The following TNRC6A variants were observed in gnomAD, a reference collection of about 807,000 sequenced individuals.
The protein encoded by TNRC6A is trinucleotide repeat containing adaptor 6A.
A neutral mutation model predicts 221.2 loss-of-function variants in TNRC6A; 44 were observed. That is an observed-to-expected ratio of 0.20 (90% CI 0.16 to 0.26). TNRC6A has a LOEUF of 0.26. Ranked by LOEUF, TNRC6A falls within the 10% of genes least tolerant of loss-of-function variation. The probability of loss-of-function intolerance (pLI) is 1.00; values close to 1 mark genes in which losing one functional copy is unlikely to be tolerated. For synonymous variants in TNRC6A, 847 were observed against 838.5 expected (o/e 1.01, Z -0.18); for missense variants, 2,199 against 2,404.4 (o/e 0.91, Z 1.79).
At chr16:24,643,963 C>T (rs572033002) in intron 2 of TNRC6A, among the ~76,000 whole-genome samples, 1 of 152,062 alleles carries the variant, frequency 6.6e-6, no homozygotes, top group Non-Finnish European at 1.5e-5. Context: ...ACTTAGACAG[C>T]CCTCTTGTCA....
chr16:24,636,094 T>G (rs550926009), intron 1 of TNRC6A, among the ~76,000 whole-genome samples: 1 of 152,202 alleles, frequency 6.6e-6, no homozygotes, highest in Non-Finnish European at 1.5e-5. Context: ...CAGATTGCAG[T>G]GGTTTGCAGG....
intron 5 of TNRC6A, among the ~76,000 whole-genome samples, chr16:24,783,411 G>GA (rs2151799138): frequency 6.6e-6 from 1 of 152,258 alleles, no homozygotes; most frequent in East Asian, 1.9e-4. Flanking sequence ...TTACAGGCAT[G>GA]AGCCACTGCG....
At position 24,822,984 on chromosome 16, in the gene TNRC6A, G is replaced by A. The variant is rs763092021; in HGVS notation, c.5484G>A (p.Glu1828=). ...TGGTCCGCTACAGTTCAAAAGAAGA[G>A]GTAGTGAAGGCACAAAAGTCTCTGC... The part of the protein sequence containing the change: ...NALVRYSSKE[E]VVKAQKSLHM... Residue 1828 remains glutamate, a synonymous_variant, in exon 24 of 25, where the codon GAG becomes GAA. Transcript: ENST00000395799. The A allele has an allele frequency of 4.3e-6, 7 of 1,614,132 alleles. No homozygotes were observed. In the African/African-American group the frequency reaches 5.3e-5, roughly 12 times the overall value.
At chr16:24,768,080 C>A (rs1354608977) in intron 4 of TNRC6A, among the ~76,000 whole-genome samples, 1 of 152,140 alleles carries the variant, frequency 6.6e-6, no homozygotes, top group Non-Finnish European at 1.5e-5. Flanking sequence ...GAGAGCCATT[C>A]TGTACTTTTA....
At position 24,804,740 on chromosome 16, in the gene TNRC6A, G is replaced by C; in HGVS notation, c.3873G>C (p.Gln1291His). ...TAGCAGATGAATCCCAAAACATGCA[G>C]TTTATGTCCAGTCAAAGCATGAAGC... ...GIVADESQNM[Q>H]FMSSQSMKLP... Residue 1291 changes from glutamine (Q) to histidine (H), a missense_variant, in exon 13 of 25, where the codon CAG becomes CAC. Transcript: ENST00000395799. 1 of 1,606,530 alleles carries C rather than the reference G, an allele frequency of 6.2e-7. No homozygotes were observed. Among genetic ancestry groups the C allele is most frequent in the Non-Finnish European group, 8.5e-7 (1 of 1,178,406 alleles).
chr16:24,800,131 C>T (rs1451991964), intron 11 of TNRC6A, among the ~76,000 whole-genome samples: 1 of 152,166 alleles, frequency 6.6e-6, no homozygotes, highest in Non-Finnish European at 1.5e-5. Context: ...GAAGCGTTTT[C>T]TCTCTCAAGG....
intron 20 of TNRC6A, 112 bp downstream of exon 20, chr16:24,817,068 T>C (rs570568743): frequency 1.7e-6 from 2 of 1,143,170 alleles, no homozygotes; most frequent in Non-Finnish European, 2.3e-6. Flanking sequence ...CTGGGATCAC[T>C]TGAGCCCAGG....
At chr16:24,697,708 G>A (rs1318686715) in intron 2 of TNRC6A, among the ~76,000 whole-genome samples, 3 of 151,312 alleles carry the variant, frequency 2.0e-5, no homozygotes, top group African/African-American at 4.9e-5. Context: ...AATATGGTCC[G>A]TAAACCTTCA....
chr16:24,778,609 T>C (rs1356191076), intron 5 of TNRC6A: 1 of 506,644 alleles, frequency 2.0e-6, no homozygotes, highest in Admixed American at 6.4e-5. Context: ...CCTTCTTTGC[T>C]AATCTGTAAA....
intron 1 of TNRC6A, among the ~76,000 whole-genome samples, chr16:24,625,268 T>C (rs1420862162): frequency 3.3e-5 from 5 of 152,192 alleles, no homozygotes; most frequent in African/African-American, 1.2e-4. Context: ...TCCCTAACAG[T>C]TGATTTTCTT....
chr16:24,811,909 T>C lies in TNRC6A; in HGVS notation c.4672+2428T>C, dbSNP rs536790682. The stretch of plus-strand genomic sequence containing the variant: ...TTCTAGATTGTACACATTGGACTAA[T>C]GATTTTCAGAAATTAAAATTGTCGT... On this transcript the variant is annotated intron_variant, in intron 18 of 24. Coordinates refer to ENST00000395799, the MANE Select transcript of TNRC6A (RefSeq NM_014494.4). 2.0e-5 allele frequency among the ~76,000 whole-genome samples: 3 copies of C among 151,936 alleles called. 1 individual carries two copies. In the South Asian group the frequency reaches 6.2e-4, roughly 32 times the overall value.
intron 2 of TNRC6A, among the ~76,000 whole-genome samples, chr16:24,716,400 G>T (rs992301711): frequency 1.3e-5 from 2 of 152,220 alleles, no homozygotes; most frequent in African/African-American, 4.8e-5. Context: ...TGGGTGCAGT[G>T]GCTCACGCCT....
At chr16:24,647,163 C>T (rs1041009004) in intron 2 of TNRC6A, among the ~76,000 whole-genome samples, 1 of 152,300 alleles carries the variant, frequency 6.6e-6, no homozygotes, top group African/African-American at 2.4e-5. Context: ...CACTCCGGTG[C>T]TCAAGCAATC....
intron 1 of TNRC6A, among the ~76,000 whole-genome samples, chr16:24,612,009 G>T (rs1900078334): frequency 6.6e-6 from 1 of 152,254 alleles, no homozygotes; most frequent in Non-Finnish European, 1.5e-5. Context: ...CACGAGAATC[G>T]CTTGAGCCCA....
At chr16:24,716,350 C>G (rs939005470) in intron 2 of TNRC6A, among the ~76,000 whole-genome samples, 2 of 152,100 alleles carry the variant, frequency 1.3e-5, no homozygotes, top group African/African-American at 4.8e-5. Context: ...TGGCTGGAAA[C>G]AGAAACTGTT....
At chr16:24,663,796 G>A in intron 2 of TNRC6A, 1 of 407,262 alleles carries the variant, frequency 2.5e-6, no homozygotes, top group Non-Finnish European at 4.9e-6. Flanking sequence ...CAGAGGTCAG[G>A]CTGATACAGC....
At chr16:24,693,920 G>C (rs1386076902) in intron 2 of TNRC6A, among the ~76,000 whole-genome samples, 1 of 152,046 alleles carries the variant, frequency 6.6e-6, no homozygotes, top group Non-Finnish European at 1.5e-5. Flanking sequence ...TTAAAAAGAG[G>C]GTTGATTAAC....
intron 2 of TNRC6A, among the ~76,000 whole-genome samples, chr16:24,642,690 C>T (rs998377850): frequency 6.6e-6 from 1 of 152,036 alleles, no homozygotes; most frequent in East Asian, 1.9e-4. Context: ...CATGGTGGCA[C>T]GTGCCTGTAA....
chr16:24,805,959 A>C (rs2058423289), intron 15 of TNRC6A, among the ~76,000 whole-genome samples: 2 of 152,200 alleles, frequency 1.3e-5, no homozygotes, highest in Non-Finnish European at 1.5e-5. Context: ...CCAGGGTGCT[A>C]GTGTTAGTAG....
Sources: allele counts gnomAD v4.1 joint callset (sites outside exome capture counted in the v4.1 genomes callset), GRCh38; gene constraint gnomAD v4.1.1; transcripts MANE v1.5; gene names NCBI Gene and HGNC (gene_info 2026-07-23, HGNC 2026-07-21).